Variants in MYO9A observed in about 807,000 individuals in gnomAD.
MYO9A encodes myosin IXA.
In MYO9A, 103 loss-of-function variants were observed where a neutral mutation model predicts 293.3. The ratio of observed to expected loss-of-function variants is 0.35; its 90% CI spans 0.30 to 0.41. The LOEUF (loss-of-function observed/expected upper bound fraction) is 0.41. Among genes scored for constraint, MYO9A ranks in the 10% least tolerant of loss-of-function variants. The pLI is 1.00. For synonymous variants in MYO9A, 1,001 were observed against 1,035.7 expected (o/e 0.97, Z 0.64); for missense variants, 2,685 against 3,033.0 (o/e 0.89, Z 2.69).
intron 2 of MYO9A, among the ~76,000 whole-genome samples, chr15:72,035,457 G>GT (rs1375289814): frequency 6.6e-6 from 1 of 152,112 alleles, no homozygotes; most frequent in African/African-American, 2.4e-5. Flanking sequence ...AACAACTGCC[G>GT]TATTTTAACA....
intron 41 of MYO9A, 26 bp downstream of exon 41, chr15:71,827,858 G>GTCTT (rs2054572023): frequency 6.3e-7 from 1 of 1,591,480 alleles, no homozygotes. Flanking sequence ...CAAATCTGGA[G>GTCTT]TCTTTGGTCT....
chr15:72,042,341 AT>A (rs1473963216), intron 2 of MYO9A, among the ~76,000 whole-genome samples: 1 of 152,058 alleles, frequency 6.6e-6, no homozygotes, highest in Non-Finnish European at 1.5e-5. Flanking sequence ...CTCAAAAAAA[AT>A]TTTTTTAATG....
At chr15:72,072,799 T>C (rs2079235214) in intron 1 of MYO9A, among the ~76,000 whole-genome samples, 1 of 152,110 alleles carries the variant, frequency 6.6e-6, no homozygotes, top group Non-Finnish European at 1.5e-5. Context: ...GGGTATTATG[T>C]TCACTATTTG....
At chr15:71,938,703 G>T in intron 16 of MYO9A, 149 bp downstream of exon 16, 1 of 545,718 alleles carries the variant, frequency 1.8e-6, no homozygotes, top group African/African-American at 2.0e-5. Context: ...ACCTATTAAT[G>T]TGTTATTACA....
chr15:71,999,914 T>A lies in MYO9A; in HGVS notation c.1407A>T (p.Ala469=), dbSNP rs2076814974. Residue 469 remains alanine, a synonymous_variant, in exon 9 of 42, where the codon GCA becomes GCT. Transcript: ENST00000356056. ...LEVKEEMLFE[A]LVTRKTVTVG... ...CTGTCACCGTCTTCCTTGTAACTAA[T>A]GCTTCAAATAGCATCTCTTCTTTAA... is the stretch of plus-strand genomic sequence containing the variant. 1.9e-6 allele frequency: 3 copies of A among 1,612,450 alleles called. No individual in the cohort carries two copies. Among genetic ancestry groups the A allele is most frequent in the Non-Finnish European group, 2.5e-6 (3 of 1,179,434 alleles).
intron 39 of MYO9A, among the ~76,000 whole-genome samples, chr15:71,844,063 T>C (rs1203670341): frequency 6.6e-6 from 1 of 152,250 alleles, no homozygotes; most frequent in African/African-American, 2.4e-5. Context: ...GTAAGCTATA[T>C]AGCTTTTTAC....
chr15:71,999,510 A>G (rs1028319184), intron 9 of MYO9A, among the ~76,000 whole-genome samples: 3 of 152,160 alleles, frequency 2.0e-5, no homozygotes. Flanking sequence ...ATGATGTGCT[A>G]GAAGAAACTG....
At chr15:71,859,870 T>A in intron 33 of MYO9A, 74 bp from the exon 34 acceptor site, 1 of 1,299,254 alleles carries the variant, frequency 7.7e-7, no homozygotes, top group South Asian at 1.3e-5. Context: ...AAGTATACTT[T>A]ATTTTAGACC....
Position 71,935,355 on chromosome 15 carries a change from G to C in MYO9A, c.2508C>G (p.Ala836=). ...TTAGTACTGACGTGAGAATTCCATG[G>C]GCTCTCTCCAGGAGTTTGCTGCTAG... ...NSTSSKLLER[A]HGILTRNKNF... is the part of the protein sequence containing the mutation. Residue 836 remains alanine, a synonymous_variant, in exon 17 of 42, where the codon GCC becomes GCG. Transcript: ENST00000356056. The C allele has an allele frequency of 1.2e-6, 2 of 1,613,102 alleles. No homozygotes were observed. Among genetic ancestry groups the C allele is most frequent in the Non-Finnish European group, 1.7e-6 (2 of 1,179,422 alleles).
At chr15:72,035,831 A>G (rs1466111731) in intron 2 of MYO9A, among the ~76,000 whole-genome samples, 1 of 152,072 alleles carries the variant, frequency 6.6e-6, no homozygotes, top group African/African-American at 2.4e-5. Context: ...TTTACATACT[A>G]TAGGACTCTA....
intron 19 of MYO9A, among the ~76,000 whole-genome samples, chr15:71,910,539 GCC>G (rs944533176): frequency 7.9e-5 from 12 of 151,882 alleles, no homozygotes; most frequent in South Asian, 6.2e-4. Flanking sequence ...ACTTATACTT[GCC>G]TCTTTTAACT....
chr15:72,040,606 G>T (rs910526216), intron 2 of MYO9A, among the ~76,000 whole-genome samples: 7 of 152,090 alleles, frequency 4.6e-5, no homozygotes, highest in Non-Finnish European at 1.0e-4. Context: ...AGTATTTTCC[G>T]TTTTTTTGAG....
At chr15:72,005,224 A>C (rs1323987800) in intron 8 of MYO9A, among the ~76,000 whole-genome samples, 1 of 152,226 alleles carries the variant, frequency 6.6e-6, no homozygotes, top group Non-Finnish European at 1.5e-5. Context: ...TTCAAAAGTA[A>C]GATTTTCTGT....
At position 71,956,310 on chromosome 15, in the gene MYO9A, T is replaced by TAA. The variant is rs869151550; in HGVS notation, c.2182+3589_2182+3590dup. 1.4e-3 allele frequency among the ~76,000 whole-genome samples: 51 copies of TAA among 36,750 alleles called. 1 individual carries two copies. Among genetic ancestry groups the TAA allele is most frequent in the African/African-American group, 3.1e-3 (30 of 9,530 alleles). The allele number at this position is 36,750 out of a possible 152,430, so 24.1% of individuals were successfully genotyped here. A position where few individuals can be genotyped will look rare whatever the true frequency, so the allele number is the denominator to read the frequency against. On this transcript the variant is annotated intron_variant, in intron 14 of 41. Coordinates refer to ENST00000356056, the MANE Select transcript of MYO9A (RefSeq NM_006901.4). Reference sequence around the variant, plus strand: ...ATGCAACACAGCGAAACCCGGCTCTTAAAAAAAAAAAAAAAAAAAAATATA... The same window carrying TAA: ...ATGCAACACAGCGAAACCCGGCTCTTAAAAAAAAAAAAAAAAAAAAAAATATA...
intron 1 of MYO9A, among the ~76,000 whole-genome samples, chr15:72,056,673 C>T (rs1051658252): frequency 1.3e-5 from 2 of 152,188 alleles, no homozygotes; most frequent in African/African-American, 4.8e-5. Context: ...TCTCAGAAAT[C>T]ACCACTAAAG....
intron 21 of MYO9A, 65 bp downstream of exon 21, chr15:71,903,860 TAAGC>T: frequency 1.5e-6 from 2 of 1,316,848 alleles, no homozygotes; most frequent in Non-Finnish European, 2.1e-6. Flanking sequence ...AAAGAAATAA[TAAGC>T]AAGATATGTG....
chr15:71,892,743 G>C, intron 26 of MYO9A: 2 of 251,814 alleles, frequency 7.9e-6, no homozygotes, highest in South Asian at 9.9e-5. Flanking sequence ...TTCTACATTA[G>C]TGCCAAGTCA....
chr15:71,995,273 G>T (rs566695261), intron 9 of MYO9A, among the ~76,000 whole-genome samples: 1 of 152,262 alleles, frequency 6.6e-6, no homozygotes, highest in South Asian at 2.1e-4. Context: ...TTAGGAAAAA[G>T]CCATTAATTT....
intron 11 of MYO9A, among the ~76,000 whole-genome samples, chr15:71,982,785 CTTTTT>C (rs1487460285): frequency 1.3e-5 from 2 of 152,054 alleles, no homozygotes; most frequent in African/African-American, 4.8e-5. Flanking sequence ...ATATATTTTT[CTTTTT>C]TGAGTTTTAT....
Sources: allele counts gnomAD v4.1 joint callset (sites outside exome capture counted in the v4.1 genomes callset), GRCh38; gene constraint gnomAD v4.1.1; transcripts MANE v1.5; gene names NCBI Gene and HGNC (gene_info 2026-07-23, HGNC 2026-07-21).